RAPGEF5: variants seen among roughly 807,000 people sequenced by gnomAD.
RAPGEF5 encodes Rap guanine nucleotide exchange factor 5.
A neutral mutation model predicts 125.2 loss-of-function variants in RAPGEF5; 65 were observed. The ratio of observed to expected loss-of-function variants is 0.52; its 90% CI spans 0.43 to 0.64. The LOEUF (loss-of-function observed/expected upper bound fraction) is 0.64, where lower values mean the gene tolerates loss of function less well. Ranked by LOEUF, RAPGEF5 falls within the 30% of genes least tolerant of loss-of-function variation. The pLI, the probability that RAPGEF5 is intolerant of heterozygous loss-of-function variation, is 0.00. For synonymous variants in RAPGEF5, 391 were observed against 385.9 expected (o/e 1.01, Z -0.16); for missense variants, 958 against 1,048.1 (o/e 0.91, Z 1.19).
chr7:22,320,546 T>G (rs1783694267), intron 1 of RAPGEF5, among the ~76,000 whole-genome samples: 2 of 151,988 alleles, frequency 1.3e-5, no homozygotes, highest in Admixed American at 1.3e-4. Flanking sequence ...TCAGCAAGAG[T>G]ACCGCAAAAG....
intron 7 of RAPGEF5, among the ~76,000 whole-genome samples, chr7:22,266,138 G>A (rs530332444): frequency 2.0e-5 from 3 of 152,158 alleles, no homozygotes; most frequent in South Asian, 2.1e-4. Context: ...AGTTTGTGTT[G>A]CTGAGACATT....
At chr7:22,279,677 G>A (rs1159501203) in intron 6 of RAPGEF5, among the ~76,000 whole-genome samples, 4 of 152,144 alleles carry the variant, frequency 2.6e-5, no homozygotes, top group Non-Finnish European at 5.9e-5. Flanking sequence ...GAATTATGAG[G>A]GAGACTTGAA....
intron 7 of RAPGEF5, 136 bp from the exon 8 acceptor site, chr7:22,231,055 G>T: frequency 1.2e-6 from 1 of 842,158 alleles, no homozygotes; most frequent in Non-Finnish European, 1.9e-6. Flanking sequence ...ATTATTTTTT[G>T]TTAATCAAAT....
At chr7:22,175,801 C>G (rs1784485603) in intron 11 of RAPGEF5, among the ~76,000 whole-genome samples, 1 of 152,160 alleles carries the variant, frequency 6.6e-6, no homozygotes, top group African/African-American at 2.4e-5. Flanking sequence ...AACTAATAGT[C>G]ATTCTAACAA....
At position 22,309,992 on chromosome 7, in the gene RAPGEF5, A is replaced by G; in HGVS notation, c.488T>C (p.Leu163Pro). 6.3e-7 allele frequency: 1 copy of G among 1,591,112 alleles called. No individual in the cohort carries two copies. Among genetic ancestry groups the G allele is most frequent in the Non-Finnish European group, 8.5e-7 (1 of 1,172,776 alleles). Residue 163 changes from leucine to proline, a missense_variant, in exon 4 of 26, where the codon CTG (leucine) becomes CCG (proline). Physicochemically the swap from Leu to Pro is moderately conservative, Grantham distance 98. Transcript: ENST00000665637. ...SMAIGVWQLLLDMGIMLSVDQ... is the reference protein window; with the variant it reads ...SMAIGVWQLLPDMGIMLSVDQ... ...ACCTGATAACATAATTCCCATGTCC[A>G]GTAGGAGTTGCCAGACTCCTATGGC...
chr7:22,126,940 A>C (rs904215627), intron 24 of RAPGEF5, among the ~76,000 whole-genome samples: 1 of 152,140 alleles, frequency 6.6e-6, no homozygotes, highest in African/African-American at 2.4e-5. Context: ...ACATCTTTAG[A>C]GACCATTTTC....
chr7:22,322,073 T>C (rs915476229), intron 1 of RAPGEF5, among the ~76,000 whole-genome samples: 1 of 152,128 alleles, frequency 6.6e-6, no homozygotes, highest in Non-Finnish European at 1.5e-5. Flanking sequence ...TATTAAGTAA[T>C]AGTAACTGAG....
At chr7:22,230,949 G>T in intron 7 of RAPGEF5, 30 bp from the exon 8 acceptor site, 2 of 1,534,390 alleles carry the variant, frequency 1.3e-6, no homozygotes, top group Non-Finnish European at 8.8e-7. Context: ...TTAAACAAAT[G>T]TATCATCATA....
At chr7:22,336,902 C>T (rs1304022903) in intron 1 of RAPGEF5, among the ~76,000 whole-genome samples, 1 of 150,302 alleles carries the variant, frequency 6.7e-6, no homozygotes, top group Non-Finnish European at 1.5e-5. Context: ...AGTCCTACAA[C>T]AGGCTCACAG....
At chr7:22,125,221 C>T (rs892482844) in intron 25 of RAPGEF5, 2 of 162,918 alleles carry the variant, frequency 1.2e-5, no homozygotes, top group South Asian at 3.5e-4. Flanking sequence ...CAGGAAGGCT[C>T]CACGCAAAGA....
At chr7:22,150,250 G>A (rs150233512) in intron 18 of RAPGEF5, among the ~76,000 whole-genome samples, 157 bp downstream of exon 18, 3,577 of 151,770 alleles carry the variant, frequency 0.024, 50 homozygotes, top group Middle Eastern at 0.065. Flanking sequence ...TAATTCTTAA[G>A]TTTTTTTGTA....
Position 22,160,571 on chromosome 7 carries a change from T to G in RAPGEF5, c.1473A>C (p.Ile491=). The G allele has an allele frequency of 6.5e-7, 1 of 1,548,910 alleles. No homozygotes were observed. The highest frequency in any genetic ancestry group is 1.2e-5 in the South Asian group (1 of 83,354). Residue 491 remains isoleucine, a synonymous_variant, in exon 14 of 26, where the codon ATA becomes ATC. Transcript: ENST00000665637. ...NVLDDVYEYP[I]LEKELKEFQK... is the part of the protein sequence containing the mutation. Reference sequence around the variant, plus strand: ...GAAATTCTTTCAATTCTTTTTCAAGTATTGGATATTCATAAACATCATCCA... The same window carrying G: ...GAAATTCTTTCAATTCTTTTTCAAGGATTGGATATTCATAAACATCATCCA...
chr7:22,230,723 C>G, intron 8 of RAPGEF5, 123 bp downstream of exon 8: 1 of 870,438 alleles, frequency 1.1e-6, no homozygotes, highest in Admixed American at 2.8e-5. Context: ...ACTTTATTCC[C>G]AATAACATGG....
At position 22,135,773 on chromosome 7, in the gene RAPGEF5, A is replaced by G. The variant is rs150986989; in HGVS notation, c.2416+265T>C. On this transcript the variant is annotated intron_variant, in intron 23 of 25. Coordinates refer to ENST00000665637, the MANE Select transcript of RAPGEF5 (RefSeq NM_012294.5). ...GTAATACAGGGCTTAGAAGTAGAGT[A>G]AAAGAAAAACACAAATGTTTCCAGT... Among the ~76,000 whole-genome samples the G allele has an allele frequency of 3.0e-3, 463 of 152,334 alleles. 1 individual carries two copies. The highest frequency in any genetic ancestry group is 9.7e-3 in the African/African-American group (403 of 41,574).
intron 1 of RAPGEF5, among the ~76,000 whole-genome samples, chr7:22,354,369 T>C (rs1361322110): frequency 6.6e-6 from 1 of 152,166 alleles, no homozygotes; most frequent in African/African-American, 2.4e-5. Context: ...GTATGGCCCA[T>C]GAGACACAAA....
intron 1 of RAPGEF5, among the ~76,000 whole-genome samples, chr7:22,338,576 C>A (rs1475207569): frequency 6.6e-6 from 1 of 152,168 alleles, no homozygotes; most frequent in East Asian, 1.9e-4. Flanking sequence ...CTGAGGTAGA[C>A]ATTCCTAACA....
chr7:22,293,115 C>T (rs1014842463), intron 5 of RAPGEF5, among the ~76,000 whole-genome samples: 1 of 152,210 alleles, frequency 6.6e-6, no homozygotes, highest in Non-Finnish European at 1.5e-5. Context: ...AGCTGTCCCA[C>T]AGCCCATATC....
chr7:22,241,688 ATAT>A (rs1384869120), intron 7 of RAPGEF5, among the ~76,000 whole-genome samples: 1 of 152,154 alleles, frequency 6.6e-6, no homozygotes, highest in Admixed American at 6.6e-5. Context: ...TAGTGACTTT[ATAT>A]TATTATACAA....
At chr7:22,194,906 G>C (rs1478927708) in intron 9 of RAPGEF5, 1 of 279,746 alleles carries the variant, frequency 3.6e-6, no homozygotes, top group Non-Finnish European at 5.4e-6. Context: ...AGAGTGTTTA[G>C]TGTGAAATTC....
Sources: allele counts gnomAD v4.1 joint callset (sites outside exome capture counted in the v4.1 genomes callset), GRCh38; gene constraint gnomAD v4.1.1; transcripts MANE v1.5; gene names NCBI Gene and HGNC (gene_info 2026-07-23, HGNC 2026-07-21).